MROH1: variants seen among roughly 807,000 people sequenced by gnomAD.
The protein encoded by MROH1 is maestro heat-like repeat-containing protein family member 1.
A neutral mutation model predicts 116.5 loss-of-function variants in MROH1; 117 were observed. That is an observed-to-expected ratio of 1.00 (90% confidence interval 0.86 to 1.17). The LOEUF (loss-of-function observed/expected upper bound fraction) is 1.17, where lower values mean the gene tolerates loss of function less well. Ranked by LOEUF, MROH1 falls within the 50% of genes most tolerant of loss-of-function variation. MROH1 has a pLI of 0.00. For synonymous variants in MROH1, 921 were observed against 583.9 expected (o/e 1.58, Z -8.32); for missense variants, 1,873 against 1,338.5 (o/e 1.40, Z -6.23).
chr8:144,257,531 C>T (rs1844118978), intron 35 of MROH1, among the ~76,000 whole-genome samples: 3 of 152,212 alleles, frequency 2.0e-5, no homozygotes, highest in African/African-American at 7.2e-5. Flanking sequence ...CCAGAAGCCT[C>T]ATGGGGCCCA....
intron 16 of MROH1, 29 bp from the exon 17 acceptor site, chr8:144,239,294 C>A (rs993609541): frequency 1.2e-5 from 9 of 780,104 alleles, no homozygotes; most frequent in Admixed American, 5.1e-5. Flanking sequence ...GGCAGCCCCC[C>A]ACTGACTATT....
intron 12 of MROH1, among the ~76,000 whole-genome samples, chr8:144,217,997 T>C (rs1835647298): frequency 6.6e-6 from 1 of 151,496 alleles, no homozygotes; most frequent in Non-Finnish European, 1.5e-5. Context: ...TCTGGGTGGC[T>C]GCGTTAGTGG....
chr8:144,217,998 G>A (rs1226891391), intron 12 of MROH1, among the ~76,000 whole-genome samples: 1 of 151,780 alleles, frequency 6.6e-6, no homozygotes, highest in Non-Finnish European at 1.5e-5. Flanking sequence ...CTGGGTGGCT[G>A]CGTTAGTGGC....
intron 3 of MROH1, among the ~76,000 whole-genome samples, chr8:144,166,866 C>G (rs949241383): frequency 6.6e-6 from 1 of 152,362 alleles, no homozygotes; most frequent in Non-Finnish European, 1.5e-5. Flanking sequence ...GATGCAGACC[C>G]AGTTCAGTAC....
intron 24 of MROH1, 137 bp downstream of exon 24, chr8:144,242,765 G>A (rs1303866607): frequency 8.9e-6 from 6 of 675,744 alleles, no homozygotes; most frequent in Non-Finnish European, 1.4e-5. Flanking sequence ...TCCCCAGGAG[G>A]CGTTCGAGAG....
intron 10 of MROH1, among the ~76,000 whole-genome samples, chr8:144,195,765 C>T (rs1829750753): frequency 6.6e-6 from 1 of 151,770 alleles, no homozygotes; most frequent in African/African-American, 2.4e-5. Context: ...AGTGCAGTGG[C>T]AGTAACAGCT....
intron 22 of MROH1, chr8:144,242,126 C>G (rs1044407456): frequency 1.7e-6 from 1 of 599,492 alleles, no homozygotes; most frequent in African/African-American, 1.9e-5. Context: ...GCCCTTGGCC[C>G]TCTGTTACTC....
At chr8:144,211,898 A>G (rs1834180826) in intron 12 of MROH1, among the ~76,000 whole-genome samples, 1 of 152,056 alleles carries the variant, frequency 6.6e-6, no homozygotes, top group Admixed American at 6.6e-5. Flanking sequence ...CGAAGCTCAG[A>G]TCGTCTCATC....
chr8:144,220,975 T>C (rs984283017), intron 13 of MROH1, among the ~76,000 whole-genome samples: 13 of 152,316 alleles, frequency 8.5e-5, no homozygotes, highest in African/African-American at 3.1e-4. Flanking sequence ...AGTGCTGCTC[T>C]GCTCGCGGTG....
At chr8:144,204,631 G>A (rs1832437547) in intron 12 of MROH1, among the ~76,000 whole-genome samples, 1 of 152,162 alleles carries the variant, frequency 6.6e-6, no homozygotes, top group Admixed American at 6.5e-5. Context: ...GCTGTTTCAG[G>A]ATGTTGTACA....
intron 4 of MROH1, 67 bp from the exon 5 acceptor site, chr8:144,179,388 G>A (rs1824946410): frequency 6.3e-7 from 1 of 1,590,296 alleles, no homozygotes. Context: ...TAGAGACAGT[G>A]ACAGGCACTC....
At chr8:144,241,308 G>T (rs1840940833) in intron 21 of MROH1, 87 bp from the exon 22 acceptor site, 2 of 709,642 alleles carry the variant, frequency 2.8e-6, no homozygotes, top group East Asian at 2.7e-5. Context: ...GTACATGTGG[G>T]TGTGCCCGTG....
chr8:144,240,772 G>GC, intron 20 of MROH1, 95 bp downstream of exon 20: 1 of 694,454 alleles, frequency 1.4e-6, no homozygotes, highest in Non-Finnish European at 2.6e-6. Flanking sequence ...GTCTCCCGTG[G>GC]CCCTGGTGGC....
chr8:144,245,364 C>T, intron 29 of MROH1, 104 bp downstream of exon 29: 2 of 713,630 alleles, frequency 2.8e-6, no homozygotes, highest in African/African-American at 3.5e-5. Context: ...CCAGCTCAGG[C>T]CACAGTCCTC....
Position 144,258,130 on chromosome 8 carries a change from T to C in MROH1, c.3792-647T>C, listed in dbSNP as rs1322755090. On this transcript the variant is annotated intron_variant, in intron 35 of 43. Transcript: ENST00000326134. ...AGAGGCTTCAACATCAGACTCTCCC[T>C]GCCAGTTTCTGGCCCAGCCACTGCC... Among the ~76,000 whole-genome samples the C allele has an allele frequency of 5.3e-5, 8 of 152,346 alleles. No homozygotes were observed. In the East Asian group the frequency reaches 1.5e-3, roughly 29 times the overall value.
intron 12 of MROH1, among the ~76,000 whole-genome samples, chr8:144,202,034 A>AG (rs1564463078): frequency 2.0e-5 from 3 of 151,316 alleles, no homozygotes; most frequent in Non-Finnish European, 4.4e-5. Flanking sequence ...AAAAAAAAAA[A>AG]AGAGAAAGCA....
chr8:144,205,744 T>G (rs1832692603), intron 12 of MROH1, among the ~76,000 whole-genome samples: 1 of 152,210 alleles, frequency 6.6e-6, no homozygotes, highest in South Asian at 2.1e-4. Context: ...TTCTCTGGGA[T>G]TCCCTGTTAC....
rs1169829348 is a variant in MROH1, at chr8:144,222,033, C to T, written c.1216-1075C>T. 3.1e-5 allele frequency among the ~76,000 whole-genome samples: 3 copies of T among 96,474 alleles called. No homozygotes were observed. In the East Asian group the frequency reaches 1.7e-3, roughly 54 times the overall value. 63.3% of individuals were successfully genotyped at this position (96,474 alleles called of 152,430 possible). The stretch of plus-strand genomic sequence containing the variant: ...GGCGAGGCTGGACATGCAGGCTCAA[C>T]TCCTAGGATTGCTGGGGTGACAACT... On this transcript the variant is annotated intron_variant, in intron 13 of 43. Coordinates refer to ENST00000326134, the MANE Select transcript of MROH1 (RefSeq NM_032450.3).
chr8:144,162,116 ACT>A (rs1424907100), intron 2 of MROH1, among the ~76,000 whole-genome samples: 1 of 134,036 alleles, frequency 7.5e-6, no homozygotes, highest in Non-Finnish European at 1.6e-5. Context: ...ACAGAGTCTC[ACT>A]CTGTCGCCCA....
Sources: allele counts gnomAD v4.1 joint callset (sites outside exome capture counted in the v4.1 genomes callset), GRCh38; gene constraint gnomAD v4.1.1; transcripts MANE v1.5; gene names NCBI Gene and HGNC (gene_info 2026-07-23, HGNC 2026-07-21).